BSN: variants seen among roughly 807,000 people sequenced by gnomAD.
The protein encoded by BSN is protein bassoon.
BSN carries 57 observed loss-of-function variants against 264.8 expected under a neutral mutation model. The observed-to-expected ratio is 0.22, with a 90% CI of 0.17 to 0.27. The LOEUF is 0.27. BSN is among the 10% of genes least tolerant of loss of function. BSN has a pLI of 1.00. For synonymous variants in BSN, 2,059 were observed against 2,137.3 expected (o/e 0.96, Z 1.01); for missense variants, 4,615 against 5,232.5 (o/e 0.88, Z 3.64).
rs542644627 is a variant in BSN, at chr3:49,638,374, C to T, written c.634-3894C>T. Among the ~76,000 whole-genome samples the T allele has an allele frequency of 2.0e-5, 3 of 152,318 alleles. No homozygotes were observed. Among genetic ancestry groups the T allele is most frequent in the Non-Finnish European group, 2.9e-5 (2 of 68,018 alleles). ...TACCCCGTGGACAGCCTCCATCCCC[C>T]TGAGTGTGGGGATAGGGGCCTTGCA... On this transcript the variant is annotated intron_variant, in intron 2 of 11. Transcript: ENST00000296452. This position sits in a 1 kb window ranked among gnomAD's most constrained non-coding sequence, Gnocchi z 4.3.
chr3:49,631,502 G>A (rs1050131713), intron 2 of BSN, among the ~76,000 whole-genome samples: 12 of 150,746 alleles, frequency 8.0e-5, no homozygotes, highest in Admixed American at 1.3e-4. Flanking sequence ...TAGGCTACAT[G>A]AGCCATGATC....
At chr3:49,641,162 T>C (rs1303445963) in intron 2 of BSN, among the ~76,000 whole-genome samples, 2 of 152,200 alleles carry the variant, frequency 1.3e-5, no homozygotes, top group South Asian at 2.1e-4. Context: ...AGAAAAATTA[T>C]TGGGTCATGT....
intron 1 of BSN, among the ~76,000 whole-genome samples, chr3:49,563,342 G>C (rs1466095045): frequency 6.6e-6 from 1 of 152,192 alleles, no homozygotes; most frequent in South Asian, 2.1e-4. Flanking sequence ...CCTGCTGCAG[G>C]CTCCCTGTTC....
In BSN at chr3:49,652,156, G is replaced by A. The variant is rs377329284; in HGVS notation, c.2600G>A (p.Arg867His). 9 of 1,613,876 alleles carry A rather than the reference G, an allele frequency of 5.6e-6. No homozygotes were observed. Among genetic ancestry groups the A allele is most frequent in the East Asian group, 2.2e-5 (1 of 44,892 alleles). ...LEEDDTATSG[R>H]GLAKHGTQKG... is the part of the protein sequence containing the mutation. Reference sequence around the variant, plus strand: ...GAGGATGACACTGCCACCTCCGGGCGTGGCCTGGCCAAACATGGCACCCAG... The same window carrying A: ...GAGGATGACACTGCCACCTCCGGGCATGGCCTGGCCAAACATGGCACCCAG... The change falls in exon 5 of 12, where the codon CGT (arginine) becomes CAT (histidine). Residue 867 changes from arginine (R) to histidine (H), a missense_variant. Coordinates refer to ENST00000296452, the MANE Select transcript of BSN (RefSeq NM_003458.4).
intron 1 of BSN, among the ~76,000 whole-genome samples, chr3:49,613,593 C>G (rs1200736984): frequency 6.6e-6 from 1 of 151,606 alleles, no homozygotes; most frequent in Non-Finnish European, 1.5e-5. Context: ...CTCCTGAGTT[C>G]AAGCGATTCT....
chr3:49,610,654 T>A (rs1163023086), intron 1 of BSN, among the ~76,000 whole-genome samples: 1 of 145,322 alleles, frequency 6.9e-6, no homozygotes, highest in Non-Finnish European at 1.5e-5. Flanking sequence ...ATGGGATGAA[T>A]AGATATTAGC....
chr3:49,629,422 T>C (rs1395580714), intron 2 of BSN, among the ~76,000 whole-genome samples: 1 of 152,148 alleles, frequency 6.6e-6, no homozygotes, highest in African/African-American at 2.4e-5. Context: ...AAGTAGAAGA[T>C]GAGAAGATGC....
intron 1 of BSN, among the ~76,000 whole-genome samples, chr3:49,605,611 T>TGTAA (rs1491168981): frequency 5.0e-5 from 1 of 20,106 alleles, no homozygotes; most frequent in Non-Finnish European, 8.4e-5. Context: ...ATATTATATA[T>TGTAA]TATATATAAA....
At chr3:49,572,117 T>C (rs1049799396) in intron 1 of BSN, among the ~76,000 whole-genome samples, 4 of 152,216 alleles carry the variant, frequency 2.6e-5, no homozygotes, top group Admixed American at 2.6e-4. Flanking sequence ...TAGCATTGAA[T>C]ACTGAAACAG....
chr3:49,619,024 A>G (rs962553320), intron 1 of BSN, among the ~76,000 whole-genome samples: 10 of 152,250 alleles, frequency 6.6e-5, no homozygotes, highest in African/African-American at 2.4e-4. Flanking sequence ...CATTGAAGAG[A>G]TATCATTCCT....
Position 49,633,727 on chromosome 3 carries a change from C to A in BSN, c.633+8344C>A, listed in dbSNP as rs118097861. Among the ~76,000 whole-genome samples the A allele has an allele frequency of 1.1e-4, 16 of 152,278 alleles. No homozygotes were observed. The East Asian group carries it at 3.1e-3, about 29-fold the overall frequency. ...TATGCAAAATATATGTATATACATACATACACACAACGAAATATCATTCAG... is the reference window on the plus strand; with the variant it reads ...TATGCAAAATATATGTATATACATAAATACACACAACGAAATATCATTCAG... On this transcript the variant is annotated intron_variant, in intron 2 of 11. Coordinates refer to ENST00000296452, the MANE Select transcript of BSN (RefSeq NM_003458.4).
Position 49,661,286 on chromosome 3 carries a change from G to A in BSN, c.9441G>A (p.Gln3147=), listed in dbSNP as rs1006670270. The A allele has an allele frequency of 4.3e-6, 7 of 1,613,738 alleles. No homozygotes were observed. The highest frequency in any genetic ancestry group is 2.7e-5 in the African/African-American group (2 of 74,948). ...DSRAPLQKPR[Q]TSLADLEQKV... ...GTGCCCCACTGCAGAAGCCACGCCA[G>A]ACATCGCTAGCCGACTTGGAGCAGA... Residue 3147 remains glutamine (Q), a synonymous_variant, in exon 6 of 12, where the codon CAG becomes CAA. Transcript: ENST00000296452.
Position 49,657,146 on chromosome 3 carries a change from T to C in BSN, c.7590T>C (p.Gly2530=). Residue 2530 remains glycine (G), a synonymous_variant, in exon 5 of 12, where the codon GGT becomes GGC. Transcript: ENST00000296452. ...CTCGTGAGCCTGTGCTGCACCGGGG[T>C]CTCCCCAGCTCTGCCTCAGACATGT... is the stretch of plus-strand genomic sequence containing the variant. ...GQPREPVLHR[G]LPSSASDMSL... 6.2e-7 allele frequency: 1 copy of C among 1,613,102 alleles called. No individual in the cohort carries two copies. The highest frequency in any genetic ancestry group is 8.5e-7 in the Non-Finnish European group (1 of 1,179,948).
chr3:49,660,430 C>T lies in BSN; in HGVS notation c.8641-56C>T, dbSNP rs1034392215. ...GGCCTGGGTTCTGCCACCCCACACC[C>T]CATCAAGTCACCACACCTTGGGTCT... On this transcript the variant is annotated intron_variant, in intron 5 of 11. Transcript: ENST00000296452. The surrounding 1 kb of genome is among the most constrained non-coding windows in gnomAD (Gnocchi z 7.1). 8.3e-5 allele frequency: 126 copies of T among 1,512,232 alleles called. No individual in the cohort carries two copies. The African/African-American group carries it at 1.6e-3, about 20-fold the overall frequency. 93.7% of individuals were successfully genotyped at this position (1,512,232 alleles called of 1,614,324 possible).
intron 1 of BSN, among the ~76,000 whole-genome samples, chr3:49,574,297 T>C (rs1163099459): frequency 6.6e-6 from 1 of 152,116 alleles, no homozygotes; most frequent in African/African-American, 2.4e-5. Flanking sequence ...TGTTTTTGGA[T>C]GCATAGTGAA....
At chr3:49,614,837 T>A (rs186606454) in intron 1 of BSN, among the ~76,000 whole-genome samples, 59 of 152,274 alleles carry the variant, frequency 3.9e-4, no homozygotes, top group African/African-American at 1.4e-3. Context: ...CAAAAGCAAA[T>A]CAATTTTCCC....
At chr3:49,626,555 T>G (rs191322840) in intron 2 of BSN, among the ~76,000 whole-genome samples, 233 of 152,270 alleles carry the variant, frequency 1.5e-3, no homozygotes, top group Middle Eastern at 6.8e-3. Context: ...TCGTGATTAT[T>G]GCATCTGTGA....
intron 1 of BSN, among the ~76,000 whole-genome samples, chr3:49,577,402 A>G (rs2051853858): frequency 1.3e-5 from 2 of 152,178 alleles, no homozygotes; most frequent in African/African-American, 4.8e-5. Flanking sequence ...TGCATTTCAG[A>G]GGAAGCACTT....
rs2052334068 is a variant in BSN at position 49,625,247 on chromosome 3, G to A, written c.497G>A (p.Ser166Asn). The A allele has an allele frequency of 6.3e-7, 1 of 1,598,330 alleles. No homozygotes were observed. Among genetic ancestry groups the A allele is most frequent in the African/African-American group, 1.3e-5 (1 of 74,376 alleles). Residue 166 changes from serine to asparagine, a missense_variant, in exon 2 of 12, where the codon AGC (serine) becomes AAC (asparagine). Around this residue, in one of 3 missense-constraint regions of BSN, gnomAD observed 1,197 missense variants for 1,348.0 expected, o/e 0.89. Coordinates refer to ENST00000296452, the MANE Select transcript of BSN (RefSeq NM_003458.4). The surrounding 1 kb of genome is among the most constrained non-coding windows in gnomAD (Gnocchi z 4.4). Reference sequence around the variant, plus strand: ...GTCCCTCAGATCGCCCCCCTTCCCAGCAGCACGCTGTGTCCCATATGCAAG... The same window carrying A: ...GTCCCTCAGATCGCCCCCCTTCCCAACAGCACGCTGTGTCCCATATGCAAG... ...YSVPQIAPLPSSTLCPICKTS... is the reference protein window; with the variant it reads ...YSVPQIAPLPNSTLCPICKTS...
Sources: allele counts gnomAD v4.1 joint callset (sites outside exome capture counted in the v4.1 genomes callset), GRCh38; gene constraint gnomAD v4.1.1; regional missense constraint gnomAD v4.1.1; non-coding constraint Gnocchi (gnomAD v3.1); transcripts MANE v1.5; gene names NCBI Gene and HGNC (gene_info 2026-07-23, HGNC 2026-07-21).